Variants in FANCC observed in about 807,000 individuals in gnomAD.
The protein encoded by FANCC is Fanconi anemia group C protein.
In FANCC, 55 loss-of-function variants were observed where a neutral mutation model predicts 71.3. That is an observed-to-expected ratio of 0.77 (90% CI 0.62 to 0.97). FANCC has a LOEUF of 0.97. Among genes scored for constraint, FANCC ranks in the 50% least tolerant of loss-of-function variants. The pLI, the probability that FANCC is intolerant of heterozygous loss-of-function variation, is 0.00. For missense variants in FANCC, 678 were observed against 670.9 expected (o/e 1.01, Z -0.12); for synonymous variants, 275 against 244.9 (o/e 1.12, Z -1.15).
intron 1 of FANCC, among the ~76,000 whole-genome samples, chr9:95,268,332 A>G (rs935947377): frequency 6.6e-6 from 1 of 152,218 alleles, no homozygotes; most frequent in Non-Finnish European, 1.5e-5. Flanking sequence ...ATCACAACCA[A>G]CTTCGGACCA....
At chr9:95,312,973 G>A (rs890081307) in intron 1 of FANCC, among the ~76,000 whole-genome samples, 1 of 152,186 alleles carries the variant, frequency 6.6e-6, no homozygotes, top group Non-Finnish European at 1.5e-5. Context: ...TTCACAGGGA[G>A]GTGTCCCACC....
rs552963566 is a variant in FANCC, at chr9:95,307,145, A to G, written c.-79+10381T>C. 2.0e-5 allele frequency among the ~76,000 whole-genome samples: 3 copies of G among 152,220 alleles called. No individual in the cohort carries two copies. In the South Asian group the frequency reaches 6.2e-4, roughly 32 times the overall value. Reference sequence around the variant, plus strand: ...AGTGATCTGCCCACCTCTGCCTCCCAAAGTGCTGGGATTACAGGTGCTCAG... The same window carrying G: ...AGTGATCTGCCCACCTCTGCCTCCCGAAGTGCTGGGATTACAGGTGCTCAG... On this transcript the variant is annotated intron_variant, in intron 1 of 14. Transcript: ENST00000289081.
chr9:95,122,348 T>A (rs1235909362), intron 10 of FANCC, among the ~76,000 whole-genome samples: 1 of 152,098 alleles, frequency 6.6e-6, no homozygotes, highest in Non-Finnish European at 1.5e-5. Flanking sequence ...TTTGATTAGC[T>A]AAAAATGGAC....
In FANCC at chr9:95,317,260, C is replaced by G. The variant is rs957234513; in HGVS notation, c.-79+266G>C. 9 of 152,802 alleles carry G rather than the reference C, an allele frequency of 5.9e-5. No individual in the cohort carries two copies. The East Asian group carries it at 1.6e-3, about 26-fold the overall frequency. 9.5% of individuals were successfully genotyped at this position (152,802 alleles called of 1,614,324 possible). The stretch of plus-strand genomic sequence containing the variant: ...CGACCCCAGCGCCGGCTCCCGCCCC[C>G]GCTTTCCCCGCCCTGGCCCCGCCCC... On this transcript the variant is annotated intron_variant, in intron 1 of 14. Coordinates refer to ENST00000289081, the MANE Select transcript of FANCC (RefSeq NM_000136.3).
rs2071082816 is a variant in FANCC, at chr9:95,101,730, T to G, written c.1654A>C (p.Lys552Gln). The part of the protein sequence containing the change: ...RSEKLARELL[K>Q]ELRTQV The stretch of plus-strand genomic sequence containing the variant: ...TTCTAGACTTGAGTTCGCAGCTCTT[T>G]AAGGAGCTCTCGGGCCAGTTTTTCT... The change falls in exon 15 of 15, where the codon AAA becomes CAA. Residue 552 changes from lysine (K) to glutamine (Q), a missense_variant. By Grantham distance (53) the Lys-to-Gln change is moderately conservative. Transcript: ENST00000289081. 1.1e-5 allele frequency: 18 copies of G among 1,613,972 alleles called. No homozygotes were observed. The highest frequency in any genetic ancestry group is 1.5e-5 in the Non-Finnish European group (18 of 1,180,014).
intron 4 of FANCC, among the ~76,000 whole-genome samples, chr9:95,191,629 A>G (rs1291554760): frequency 6.6e-6 from 1 of 152,020 alleles, no homozygotes; most frequent in African/African-American, 2.4e-5. Flanking sequence ...CAAATTTAAC[A>G]CAACTAAGAT....
At chr9:95,301,974 C>T (rs968767967) in intron 1 of FANCC, among the ~76,000 whole-genome samples, 5 of 145,304 alleles carry the variant, frequency 3.4e-5, no homozygotes, top group East Asian at 2.1e-4. Context: ...CCCAGCTACT[C>T]GGGAGGCTGA....
intron 1 of FANCC, among the ~76,000 whole-genome samples, chr9:95,266,960 T>A (rs1446656560): frequency 1.3e-5 from 2 of 151,542 alleles, no homozygotes; most frequent in Non-Finnish European, 2.9e-5. Flanking sequence ...CATACAGCAA[T>A]GAGAGGGGAA....
chr9:95,174,260 G>A (rs748445940), intron 4 of FANCC, among the ~76,000 whole-genome samples: 7 of 152,074 alleles, frequency 4.6e-5, no homozygotes, highest in African/African-American at 1.4e-4. Context: ...TCTTCACATG[G>A]TGAAAGGGAC....
rs1398979272 is a variant in FANCC at position 95,230,701 on chromosome 9, CTTA to C, written c.345+9945_345+9947del. 5.9e-5 allele frequency among the ~76,000 whole-genome samples: 9 copies of C among 152,196 alleles called. No individual in the cohort carries two copies. The East Asian group carries it at 1.4e-3, about 23-fold the overall frequency. On this transcript the variant is annotated intron_variant, in intron 4 of 14. Coordinates refer to ENST00000289081, the MANE Select transcript of FANCC (RefSeq NM_000136.3). ...ACCCAAAGAGTGAGCAGCAGCAAGA[CTTA>C]TTGTGAAGAGCGAAAGAACAAAGCT...
At chr9:95,173,851 GA>G (rs1825845931) in intron 4 of FANCC, among the ~76,000 whole-genome samples, 1 of 152,184 alleles carries the variant, frequency 6.6e-6, no homozygotes, top group Admixed American at 6.5e-5. Flanking sequence ...TCCAGAAATT[GA>G]GGCTCTGCAC....
chr9:95,102,919 G>A (rs1345463661), intron 14 of FANCC, among the ~76,000 whole-genome samples: 2 of 152,146 alleles, frequency 1.3e-5, no homozygotes, highest in African/African-American at 2.4e-5. Context: ...CAACGAGCCC[G>A]CCAGGGTCAG....
intron 1 of FANCC, among the ~76,000 whole-genome samples, chr9:95,278,282 A>C (rs754980201): frequency 3.9e-5 from 6 of 152,212 alleles, no homozygotes; most frequent in Non-Finnish European, 7.3e-5. Context: ...TAACTTATGA[A>C]GGTTAGACTT....
chr9:95,208,443 T>A (rs1225357307), intron 4 of FANCC, among the ~76,000 whole-genome samples: 3 of 151,996 alleles, frequency 2.0e-5, no homozygotes, highest in Non-Finnish European at 2.9e-5. Context: ...TCTCCTACTA[T>A]GCCATTGCAA....
intron 1 of FANCC, among the ~76,000 whole-genome samples, chr9:95,273,585 C>G (rs558712465): frequency 2.3e-4 from 35 of 152,348 alleles, no homozygotes; most frequent in African/African-American, 8.2e-4. Flanking sequence ...CACTAGCTGC[C>G]TCTGCTGTCT....
chr9:95,311,188 C>G (rs1835375445), intron 1 of FANCC, among the ~76,000 whole-genome samples: 2 of 145,244 alleles, frequency 1.4e-5, no homozygotes, highest in South Asian at 4.5e-4. Context: ...GAGCCGAGAT[C>G]GCGCCACTGC....
chr9:95,237,642 G>T (rs1588332017), intron 4 of FANCC, among the ~76,000 whole-genome samples: 1 of 152,308 alleles, frequency 6.6e-6, no homozygotes, highest in African/African-American at 2.4e-5. Context: ...TTTAAATACC[G>T]ATACTTGATT....
intron 4 of FANCC, among the ~76,000 whole-genome samples, chr9:95,200,373 TG>T (rs1827732769): frequency 6.6e-6 from 1 of 152,186 alleles, no homozygotes; most frequent in Non-Finnish European, 1.5e-5. Context: ...GGGAATTAAT[TG>T]GGGTAAGTCT....
At chr9:95,217,300 A>G (rs1828928341) in intron 4 of FANCC, among the ~76,000 whole-genome samples, 1 of 152,112 alleles carries the variant, frequency 6.6e-6, no homozygotes, top group Non-Finnish European at 1.5e-5. Context: ...CCTGCGTAAC[A>G]TGGTGAAACA....
Sources: gnomAD v4.1 joint callset for allele counts (sites outside exome capture counted in the v4.1 genomes callset) on GRCh38, gnomAD v4.1.1 for gene constraint, MANE v1.5 for transcripts, NCBI Gene and HGNC (gene_info 2026-07-23, HGNC 2026-07-21) for gene names.